Variants in FBXO31 observed in about 807,000 individuals in gnomAD.
FBXO31 encodes F-box protein 31, also known as F-box only protein 31.
FBXO31 carries 24 observed loss-of-function variants against 54.4 expected under a neutral mutation model. The observed-to-expected ratio is 0.44, with a 90% CI of 0.32 to 0.62. FBXO31 has a LOEUF of 0.62. Ranked by LOEUF, FBXO31 falls within the 20% of genes least tolerant of loss-of-function variation. The pLI is 0.05. For synonymous variants in FBXO31, 388 were observed against 335.6 expected, an observed-to-expected ratio of 1.16 and a Z score of -1.71; for missense variants, 665 against 787.1, an observed-to-expected ratio of 0.84 and a Z score of 1.86.
At chr16:87,349,550 A>G (rs1463692483) in intron 2 of FBXO31, among the ~76,000 whole-genome samples, 2 of 152,306 alleles carry the variant, frequency 1.3e-5, no homozygotes, top group South Asian at 2.1e-4. Context: ...TCTCTACTTA[A>G]AATACAAAAA....
At chr16:87,375,746 G>C (rs954226382) in intron 1 of FBXO31, among the ~76,000 whole-genome samples, 26 of 152,278 alleles carry the variant, frequency 1.7e-4, no homozygotes, top group African/African-American at 5.8e-4. Flanking sequence ...GCAGGCTGGA[G>C]TGAGTTTGGT....
At chr16:87,361,737 A>G (rs1906142706) in intron 1 of FBXO31, among the ~76,000 whole-genome samples, 1 of 152,146 alleles carries the variant, frequency 6.6e-6, no homozygotes, top group Admixed American at 6.5e-5. Flanking sequence ...TCTAACTGGA[A>G]GCACTGACCG....
Position 87,336,336 on chromosome 16 carries a change from G to T in FBXO31, c.733-72C>A. 7.3e-7 allele frequency: 1 copy of T among 1,366,256 alleles called. No homozygotes were observed. The highest frequency in any genetic ancestry group is 1.0e-6 in the Non-Finnish European group (1 of 963,482). The allele number at this position is 1,366,256 out of a possible 1,614,324, so 84.6% of individuals were successfully genotyped here. A position where few individuals can be genotyped will look rare whatever the true frequency, so the allele number is the denominator to read the frequency against. On this transcript the variant is annotated intron_variant, in intron 5 of 8. Transcript: ENST00000311635. The surrounding 1 kb of genome is among the most constrained non-coding windows in gnomAD (Gnocchi z 6.5). Reference sequence around the variant, plus strand: ...TGAAGAGGCTGCCGGCTGTGCCGCTGAGAGGACACAGTGTGTCCTTCTTTG... The same window carrying T: ...TGAAGAGGCTGCCGGCTGTGCCGCTTAGAGGACACAGTGTGTCCTTCTTTG...
At chr16:87,376,030 G>A (rs1255170818) in intron 1 of FBXO31, among the ~76,000 whole-genome samples, 4 of 152,102 alleles carry the variant, frequency 2.6e-5, no homozygotes, top group African/African-American at 9.7e-5. Flanking sequence ...GCTTCTCACT[G>A]ACCAAACATA....
chr16:87,380,549 T>A (rs1415584181), intron 1 of FBXO31, among the ~76,000 whole-genome samples: 1 of 152,124 alleles, frequency 6.6e-6, no homozygotes, highest in African/African-American at 2.4e-5. Flanking sequence ...CCACCATGAC[T>A]GGCTAACTTT....
rs532084742 is a variant in FBXO31, at chr16:87,362,285, G to A, written c.341-1919C>T. On this transcript the variant is annotated intron_variant, in intron 1 of 8. Coordinates refer to ENST00000311635, the MANE Select transcript of FBXO31 (RefSeq NM_024735.5). ...CATAACTAATTATTATCTTTTCAAT[G>A]TGCAGTCATTACTGAGTTATCTTTT... is the stretch of plus-strand genomic sequence containing the variant. Among the ~76,000 whole-genome samples the A allele has an allele frequency of 5.3e-5, 8 of 152,146 alleles. No homozygotes were observed. In the South Asian group the frequency reaches 8.3e-4, roughly 16 times the overall value.
chr16:87,387,828 A>C (rs531869367), upstream of FBXO31, among the ~76,000 whole-genome samples: 89 of 152,310 alleles, frequency 5.8e-4, no homozygotes, highest in Admixed American at 2.0e-3. Flanking sequence ...AGAAAGAAAG[A>C]AAGCCACGTT....
Position 87,338,463 on chromosome 16 carries a change from G to C in FBXO31, c.733-2199C>G, listed in dbSNP as rs1905096897. ...GAGATTTCCAAAAGCCTCAGTCTTGGGGCGGGGGAGGCGGGCCTGAAACAC... is the reference window on the plus strand; with the variant it reads ...GAGATTTCCAAAAGCCTCAGTCTTGCGGCGGGGGAGGCGGGCCTGAAACAC... On this transcript the variant is annotated intron_variant, in intron 5 of 8. Coordinates refer to ENST00000311635, the MANE Select transcript of FBXO31 (RefSeq NM_024735.5). This position sits in a 1 kb window ranked among gnomAD's most constrained non-coding sequence, Gnocchi z 4.3. 7.3e-6 allele frequency among the ~76,000 whole-genome samples: 1 copy of C among 137,424 alleles called. No individual in the cohort carries two copies. The highest frequency in any genetic ancestry group is 2.1e-4 in the South Asian group (1 of 4,742). The allele number at this position is 137,424 out of a possible 152,430, so 90.2% of individuals were successfully genotyped here.
intron 2 of FBXO31, among the ~76,000 whole-genome samples, chr16:87,348,241 C>T (rs1905481633): frequency 6.6e-6 from 1 of 152,198 alleles, no homozygotes; most frequent in South Asian, 2.1e-4. Context: ...CCTGCCCGCT[C>T]TCCATCAGCC....
Position 87,342,861 on chromosome 16 carries a change from C to T in FBXO31, c.732+16G>A, listed in dbSNP as rs754000972. On this transcript the variant is annotated intron_variant, in intron 5 of 8. Coordinates refer to ENST00000311635, the MANE Select transcript of FBXO31 (RefSeq NM_024735.5). ...GGTCCGCACCATATGAACACAGGGCCGGCTGGTGGGCTCACCTCCTGCCTC... is the reference window on the plus strand; with the variant it reads ...GGTCCGCACCATATGAACACAGGGCTGGCTGGTGGGCTCACCTCCTGCCTC... 50 of 1,588,734 alleles carry T rather than the reference C, an allele frequency of 3.1e-5. No individual in the cohort carries two copies. Among genetic ancestry groups the T allele is most frequent in the Non-Finnish European group, 3.9e-5 (45 of 1,167,668 alleles).
In FBXO31 at chr16:87,343,495, C is replaced by G. The variant is rs1030932051; in HGVS notation, c.657+103G>C. 5.7e-6 allele frequency: 8 copies of G among 1,410,610 alleles called. No homozygotes were observed. The African/African-American group carries it at 1.1e-4, about 20-fold the overall frequency. The allele number at this position is 1,410,610 out of a possible 1,614,324, so 87.4% of individuals were successfully genotyped here. A position where few individuals can be genotyped will look rare whatever the true frequency, so the allele number is the denominator to read the frequency against. ...AGCCTCCCTCCCACCCGCCGATCTG[C>G]TACAGCCCAGGTCTGCAGCTGAGAA... On this transcript the variant is annotated intron_variant, in intron 4 of 8. Transcript: ENST00000311635.
At chr16:87,349,636 G>T (rs538994065) in intron 2 of FBXO31, among the ~76,000 whole-genome samples, 1 of 152,266 alleles carries the variant, frequency 6.6e-6, no homozygotes, top group Admixed American at 6.5e-5. Flanking sequence ...ACTTGAACAG[G>T]GAGGCGGAGG....
At chr16:87,359,089 T>C (rs926594845) in intron 2 of FBXO31, among the ~76,000 whole-genome samples, 13 of 152,226 alleles carry the variant, frequency 8.5e-5, no homozygotes, top group African/African-American at 3.1e-4. Flanking sequence ...ACACAGTTGC[T>C]GCGCTGTGAA....
intron 1 of FBXO31, among the ~76,000 whole-genome samples, chr16:87,372,134 G>T (rs1906630344): frequency 6.6e-6 from 1 of 152,080 alleles, no homozygotes; most frequent in Non-Finnish European, 1.5e-5. Flanking sequence ...TGAGGAAGGA[G>T]GATCATATGA....
rs796868448 is a variant in FBXO31 at position 87,329,260 on chromosome 16, C to G, written c.*2028G>C. 7 of 152,658 alleles carry G rather than the reference C, an allele frequency of 4.6e-5. No individual in the cohort carries two copies. The highest frequency in any genetic ancestry group is 1.7e-4 in the African/African-American group (7 of 41,590). The allele number at this position is 152,658 out of a possible 1,614,324, so 9.5% of individuals were successfully genotyped here. On this transcript the variant is annotated 3_prime_UTR_variant, in exon 9 of 9. Coordinates refer to ENST00000311635, the MANE Select transcript of FBXO31 (RefSeq NM_024735.5). The stretch of plus-strand genomic sequence containing the variant: ...ACATACACACCAGAACCAGGAGCCA[C>G]ATGAACTGACCAACAGCCCATGGCT...
rs1005422290 is a variant in FBXO31 at position 87,330,956 on chromosome 16, G to A, written c.*332C>T. 7.9e-5 allele frequency: 23 copies of A among 289,558 alleles called. No homozygotes were observed. Among genetic ancestry groups the A allele is most frequent in the African/African-American group, 1.3e-4 (6 of 45,818 alleles). 17.9% of individuals were successfully genotyped at this position (289,558 alleles called of 1,614,324 possible). On this transcript the variant is annotated 3_prime_UTR_variant, in exon 9 of 9. Transcript: ENST00000311635. ...ACCAGTCAGGAGGGTCCTGCTTCCC[G>A]AGAAAACCACCAGCCAGCCCAGGGT... is the stretch of plus-strand genomic sequence containing the variant.
At chr16:87,385,412 C>T (rs1296880091), upstream of FBXO31, among the ~76,000 whole-genome samples, 7 of 149,824 alleles carry the variant, frequency 4.7e-5, no homozygotes, top group African/African-American at 1.7e-4. Context: ...GAGCCAAGAT[C>T]GTGCCACTGC....
intron 1 of FBXO31, among the ~76,000 whole-genome samples, chr16:87,382,505 C>G (rs1216044351): frequency 6.6e-6 from 1 of 152,316 alleles, no homozygotes; most frequent in South Asian, 2.1e-4. Context: ...ACATCTCCTC[C>G]TGTGATCTGT....
At chr16:87,343,116 T>C (rs1017802489) in intron 4 of FBXO31, among the ~76,000 whole-genome samples, 165 bp from the exon 5 acceptor site, 3 of 151,892 alleles carry the variant, frequency 2.0e-5, no homozygotes, top group African/African-American at 7.3e-5. Flanking sequence ...GGGAGCTGAG[T>C]CTCCCTGAGC....
Sources: allele counts gnomAD v4.1 joint callset (sites outside exome capture counted in the v4.1 genomes callset), GRCh38; gene constraint gnomAD v4.1.1; non-coding constraint Gnocchi (gnomAD v3.1); transcripts MANE v1.5; gene names NCBI Gene and HGNC (gene_info 2026-07-23, HGNC 2026-07-21).